Variants in MYT1 observed in about 807,000 individuals in gnomAD.
The protein encoded by MYT1 is myelin transcription factor 1.
Under a neutral mutation model 123.0 loss-of-function variants are expected in MYT1, and 23 were observed. The ratio of observed to expected loss-of-function variants is 0.19; its 90% CI spans 0.13 to 0.26. MYT1 has a LOEUF of 0.26. Ranked by LOEUF, MYT1 falls within the 10% of genes least tolerant of loss-of-function variation. The pLI is 1.00. For synonymous variants in MYT1, 518 were observed against 575.3 expected (o/e 0.90, Z 1.43); for missense variants, 1,125 against 1,472.5 (o/e 0.76, Z 3.86).
At position 64,232,477 on chromosome 20, in the gene MYT1, C is replaced by G. The variant is rs1337305999; in HGVS notation, c.2897+92C>G. 2 of 1,307,884 alleles carry G rather than the reference C, an allele frequency of 1.5e-6. No individual in the cohort carries two copies. The highest frequency in any genetic ancestry group is 2.2e-6 in the Non-Finnish European group (2 of 924,138). The allele number at this position is 1,307,884 out of a possible 1,614,324, so 81.0% of individuals were successfully genotyped here. A position where few individuals can be genotyped will look rare whatever the true frequency, so the allele number is the denominator to read the frequency against. On this transcript the variant is annotated intron_variant, in intron 19 of 22. Coordinates refer to ENST00000328439, the MANE Select transcript of MYT1 (RefSeq NM_004535.3). The surrounding 1 kb of genome is among the most constrained non-coding windows in gnomAD (Gnocchi z 6.9). ...TGAAGCTCCTGAGGGAGGGCCAGAC[C>G]AGGGCTCCGTGTGACCAGAGTTGCT...
In MYT1 at chr20:64,166,584, C is replaced by A. The variant is rs753446987; in HGVS notation, c.-99+1845C>A. On this transcript the variant is annotated intron_variant, in intron 1 of 22. Coordinates refer to ENST00000328439, the MANE Select transcript of MYT1 (RefSeq NM_004535.3). This position sits in a 1 kb window ranked among gnomAD's most constrained non-coding sequence, Gnocchi z 4.9. ...AGGGGGGCTGCTTCTGTCCAAAGTGCCACTCGAGGGTTTTTGTGACCCTCA... is the reference window on the plus strand; with the variant it reads ...AGGGGGGCTGCTTCTGTCCAAAGTGACACTCGAGGGTTTTTGTGACCCTCA... 1.3e-5 allele frequency among the ~76,000 whole-genome samples: 2 copies of A among 152,182 alleles called. No homozygotes were observed. Among genetic ancestry groups the A allele is most frequent in the Non-Finnish European group, 2.9e-5 (2 of 68,012 alleles).
At position 64,236,584 on chromosome 20, in the gene MYT1, C is replaced by T. The variant is rs1233045835; in HGVS notation, c.2927C>T (p.Ala976Val). The T allele has an allele frequency of 6.2e-7, 1 of 1,613,676 alleles. No homozygotes were observed. The highest frequency in any genetic ancestry group is 8.5e-7 in the Non-Finnish European group (1 of 1,179,854). ...TCAGGCTGTCCCAGAGCAACCTTTG[C>T]TGGAAAGAAGGGAAAACTGTCAGGG... Reference protein sequence around the residue: ...SLSGCPRATFAGKKGKLSGDE... With the variant: ...SLSGCPRATFVGKKGKLSGDE... Residue 976 changes from alanine to valine, a missense_variant, in exon 20 of 23, where the codon GCT becomes GTT. This residue lies in a region of MYT1 where 243 missense variants were observed against 323.1 expected (regional missense o/e 0.75). Transcript: ENST00000328439.
intron 1 of MYT1, among the ~76,000 whole-genome samples, chr20:64,188,923 AGT>A (rs1982890076): frequency 6.6e-6 from 1 of 152,200 alleles, no homozygotes; most frequent in African/African-American, 2.4e-5. Context: ...GCCGAATCTG[AGT>A]GGTTTTATTC....
At chr20:64,211,948 C>A in intron 8 of MYT1, 100 bp from the exon 9 acceptor site, 2 of 970,022 alleles carry the variant, frequency 2.1e-6, no homozygotes, top group Non-Finnish European at 1.6e-6. Flanking sequence ...AGCCTTTGGA[C>A]AAGGCTCCTG....
chr20:64,218,484 C>A lies in MYT1; in HGVS notation c.1847-427C>A, dbSNP rs1983904204. ...AAATTTTCCTATTTGGGCGATATGGCAAACACTCATCCTATTCACAGAATG... is the reference window on the plus strand; with the variant it reads ...AAATTTTCCTATTTGGGCGATATGGAAAACACTCATCCTATTCACAGAATG... On this transcript the variant is annotated intron_variant, in intron 11 of 22. Coordinates refer to ENST00000328439, the MANE Select transcript of MYT1 (RefSeq NM_004535.3). The surrounding 1 kb of genome is among the most constrained non-coding windows in gnomAD (Gnocchi z 4.0). Among the ~76,000 whole-genome samples, 1 of 152,186 alleles carries A rather than the reference C, an allele frequency of 6.6e-6. No homozygotes were observed.
At chr20:64,221,862 G>A (rs759123273) in intron 13 of MYT1, 31 bp from the exon 14 acceptor site, 121 of 1,610,024 alleles carry the variant, frequency 7.5e-5, no homozygotes, top group Non-Finnish European at 9.7e-5. Context: ...CCGCCAGCCG[G>A]TTAAAACATC....
In MYT1 at chr20:64,166,207, G is replaced by A. The variant is rs889377801; in HGVS notation, c.-99+1468G>A. 6.6e-6 allele frequency among the ~76,000 whole-genome samples: 1 copy of A among 152,232 alleles called. No homozygotes were observed. The highest frequency in any genetic ancestry group is 1.9e-4 in the East Asian group (1 of 5,198). ...TTGGAGTCCTGTGGTACCAGCCAGG[G>A]TGCTGCTATCAGTAGAGGCAGGACC... On this transcript the variant is annotated intron_variant, in intron 1 of 22. Transcript: ENST00000328439. This position sits in a 1 kb window ranked among gnomAD's most constrained non-coding sequence, Gnocchi z 4.9.
At chr20:64,173,701 GT>G in intron 1 of MYT1, among the ~76,000 whole-genome samples, 1 of 2,240 alleles carries the variant, frequency 4.5e-4, no homozygotes. Context: ...ATCTTTCCTT[GT>G]AGTTGTGTCC....
chr20:64,218,660 G>T lies in MYT1; in HGVS notation c.1847-251G>T, dbSNP rs1462162158. Among the ~76,000 whole-genome samples, 4 of 152,174 alleles carry T rather than the reference G, an allele frequency of 2.6e-5. No homozygotes were observed. Among genetic ancestry groups the T allele is most frequent in the African/African-American group, 9.7e-5 (4 of 41,426 alleles). On this transcript the variant is annotated intron_variant, in intron 11 of 22. Transcript: ENST00000328439. This position sits in a 1 kb window ranked among gnomAD's most constrained non-coding sequence, Gnocchi z 4.0. ...CTAGAGGAGGGTGGGTGGGAGTGAG[G>T]TGTGTGAGGACTTGGGACTGGGACG...
At position 64,231,482 on chromosome 20, in the gene MYT1, G is replaced by A. The variant is rs1386668638; in HGVS notation, c.2676-682G>A. 1.3e-5 allele frequency among the ~76,000 whole-genome samples: 2 copies of A among 152,234 alleles called. No homozygotes were observed. Among genetic ancestry groups the A allele is most frequent in the Non-Finnish European group, 2.9e-5 (2 of 68,042 alleles). ...ATCCCTCTCCTGGAACACCCAGAAC[G>A]AAGGAAAGGAAAACACCATTTAAGG... On this transcript the variant is annotated intron_variant, in intron 18 of 22. Coordinates refer to ENST00000328439, the MANE Select transcript of MYT1 (RefSeq NM_004535.3). This position sits in a 1 kb window ranked among gnomAD's most constrained non-coding sequence, Gnocchi z 6.4.
intron 16 of MYT1, 108 bp from the exon 17 acceptor site, chr20:64,227,307 C>T (rs1007978394): frequency 5.4e-6 from 5 of 932,834 alleles, no homozygotes; most frequent in South Asian, 1.6e-5. Context: ...TGTGGGTGGG[C>T]GCACTCAAGG....
At position 64,208,865 on chromosome 20, in the gene MYT1, C is replaced by T. The variant is rs566416395; in HGVS notation, c.1291+378C>T. On this transcript the variant is annotated intron_variant, in intron 7 of 22. Coordinates refer to ENST00000328439, the MANE Select transcript of MYT1 (RefSeq NM_004535.3). The surrounding 1 kb of genome is among the most constrained non-coding windows in gnomAD (Gnocchi z 5.4). ...TGGCAGGGATTGTGCTATGACAGAACCCGCTGTTTCCTACAGCCATGCTGG... is the reference window on the plus strand; with the variant it reads ...TGGCAGGGATTGTGCTATGACAGAATCCGCTGTTTCCTACAGCCATGCTGG... 5.3e-5 allele frequency among the ~76,000 whole-genome samples: 8 copies of T among 152,308 alleles called. No homozygotes were observed. In the South Asian group the frequency reaches 1.4e-3, roughly 28 times the overall value.
rs752521839 is a variant in MYT1 at position 64,208,933 on chromosome 20, G to A, written c.1291+446G>A. Among the ~76,000 whole-genome samples the A allele has an allele frequency of 8.7e-5, 13 of 150,268 alleles. No individual in the cohort carries two copies. The highest frequency in any genetic ancestry group is 1.6e-4 in the Non-Finnish European group (11 of 66,808). On this transcript the variant is annotated intron_variant, in intron 7 of 22. Transcript: ENST00000328439. This position sits in a 1 kb window ranked among gnomAD's most constrained non-coding sequence, Gnocchi z 5.4. ...GTGGGGTGGAGACCAGCAGGCAGAT[G>A]TGAGGGGTGCCCTTGCTCCTCAGAG...
intron 2 of MYT1, among the ~76,000 whole-genome samples, chr20:64,197,627 C>T (rs574191921): frequency 9.2e-5 from 14 of 152,360 alleles, no homozygotes; most frequent in South Asian, 2.1e-4. Flanking sequence ...TGCCCTCCCC[C>T]GCCTGGTGTG....
rs903745917 is a variant in MYT1, at chr20:64,190,018, C to T, written c.-98-45C>T. ...CCCTTGAGCCAGCACGGCTGGCACC[C>T]ACCAAGCTTTCCTTTTCTGACCTTG... On this transcript the variant is annotated intron_variant, in intron 1 of 22. Transcript: ENST00000328439. This position sits in a 1 kb window ranked among gnomAD's most constrained non-coding sequence, Gnocchi z 4.1. 6.5e-6 allele frequency: 1 copy of T among 152,696 alleles called. No individual in the cohort carries two copies. The highest frequency in any genetic ancestry group is 2.4e-5 in the African/African-American group (1 of 41,476). 9.5% of individuals were successfully genotyped at this position (152,696 alleles called of 1,614,324 possible). A position where few individuals can be genotyped will look rare whatever the true frequency, so the allele number is the denominator to read the frequency against.
At chr20:64,220,133 A>G (rs1022434021) in intron 13 of MYT1, 151 bp downstream of exon 13, 3 of 1,379,578 alleles carry the variant, frequency 2.2e-6, no homozygotes, top group Non-Finnish European at 2.8e-6. Flanking sequence ...AGGGTCCTTC[A>G]TCTTCTGAGC....
chr20:64,199,040 C>A, intron 3 of MYT1, 124 bp downstream of exon 3: 1 of 935,248 alleles, frequency 1.1e-6, no homozygotes, highest in Non-Finnish European at 1.6e-6. Context: ...GCCTCTTCAG[C>A]CTCATTCATC....
At chr20:64,227,642 A>C (rs1394611920) in intron 17 of MYT1, among the ~76,000 whole-genome samples, 165 bp downstream of exon 17, 1 of 152,222 alleles carries the variant, frequency 6.6e-6, no homozygotes, top group African/African-American at 2.4e-5. Flanking sequence ...TGTCCTCTGC[A>C]GTAAGATAAA....
Position 64,196,123 on chromosome 20 carries a change from G to A in MYT1, c.1-2739G>A, listed in dbSNP as rs767794719. 3.3e-5 allele frequency among the ~76,000 whole-genome samples: 5 copies of A among 151,940 alleles called. No individual in the cohort carries two copies. The highest frequency in any genetic ancestry group is 5.9e-5 in the Non-Finnish European group (4 of 67,938). On this transcript the variant is annotated intron_variant, in intron 2 of 22. Coordinates refer to ENST00000328439, the MANE Select transcript of MYT1 (RefSeq NM_004535.3). The surrounding 1 kb of genome is among the most constrained non-coding windows in gnomAD (Gnocchi z 4.3). ...GGTCACCGGGCTATCTGTGGGTTGC[G>A]CAAAAAAGGGACCTGGTTGGCTTGT...
Sources: allele counts gnomAD v4.1 joint callset (sites outside exome capture counted in the v4.1 genomes callset), GRCh38; gene constraint gnomAD v4.1.1; regional missense constraint gnomAD v4.1.1; non-coding constraint Gnocchi (gnomAD v3.1); transcripts MANE v1.5; gene names NCBI Gene and HGNC (gene_info 2026-07-23, HGNC 2026-07-21).